The following SOX5 variants were observed in gnomAD, a reference collection of about 807,000 sequenced individuals.
The protein encoded by SOX5 is SRY-box transcription factor 5, also known as transcription factor SOX-5.
In SOX5, 9 loss-of-function variants were observed where a neutral mutation model predicts 92.0. That is an observed-to-expected ratio of 0.10 (90% CI 0.06 to 0.17). The LOEUF (loss-of-function observed/expected upper bound fraction) is 0.17, where lower values mean the gene tolerates loss of function less well. SOX5 is among the 10% of genes least tolerant of loss of function. SOX5 has a pLI of 1.00. For synonymous variants in SOX5, 344 were observed against 336.3 expected (o/e 1.02, Z -0.25); for missense variants, 642 against 944.5 (o/e 0.68, Z 4.20).
intron 14 of SOX5, 27 bp downstream of exon 14, chr12:23,536,426 T>C (rs768719578): frequency 6.1e-5 from 96 of 1,567,114 alleles, no homozygotes; most frequent in Non-Finnish European, 8.2e-5. Context: ...GTTTGCCCCA[T>C]GAGAAAAATG....
chr12:23,538,763 C>A (rs1941196047), intron 13 of SOX5, among the ~76,000 whole-genome samples: 1 of 148,788 alleles, frequency 6.7e-6, no homozygotes, highest in Non-Finnish European at 1.5e-5. Flanking sequence ...TATTAGCTAG[C>A]TTTATCCCAA....
intron 3 of SOX5, among the ~76,000 whole-genome samples, chr12:23,808,537 A>T (rs2095820855): frequency 6.6e-6 from 1 of 152,210 alleles, no homozygotes; most frequent in African/African-American, 2.4e-5. Context: ...TGTAACTTAT[A>T]TCCAATTTAA....
intron 4 of SOX5, among the ~76,000 whole-genome samples, chr12:24,156,698 A>AGATAC (rs1952209031): frequency 6.6e-6 from 1 of 152,186 alleles, no homozygotes; most frequent in Non-Finnish European, 1.5e-5. Flanking sequence ...TTATTTTCTC[A>AGATAC]GATACAACAA....
chr12:23,583,058 AG>A (rs1950260208), intron 9 of SOX5, among the ~76,000 whole-genome samples: 1 of 152,108 alleles, frequency 6.6e-6, no homozygotes, highest in South Asian at 2.1e-4. Flanking sequence ...AATAAAGAAT[AG>A]TTTGGCTTCT....
intron 3 of SOX5, among the ~76,000 whole-genome samples, chr12:24,227,991 G>C (rs1962466650): frequency 1.3e-5 from 2 of 152,312 alleles, no homozygotes; most frequent in Middle Eastern, 3.4e-3. Context: ...AGGCATCCCA[G>C]AGAGATGAGA....
chr12:23,824,061 A>C (rs780225128), intron 3 of SOX5, among the ~76,000 whole-genome samples: 1 of 152,200 alleles, frequency 6.6e-6, no homozygotes, highest in Non-Finnish European at 1.5e-5. Context: ...GGGTTAGAAC[A>C]TGCTCCTTTA....
chr12:23,544,401 A>G lies in SOX5; in HGVS notation c.1598-1017T>C, dbSNP rs533579741. On this transcript the variant is annotated intron_variant, in intron 12 of 14. Coordinates refer to ENST00000451604, the MANE Select transcript of SOX5 (RefSeq NM_006940.6). ...TCACAAAATAAGTAGATGTATTTTG[A>G]TAGTATCCAAAACTTTAAAAATACT... 7.9e-5 allele frequency among the ~76,000 whole-genome samples: 12 copies of G among 152,360 alleles called. No homozygotes were observed. In the East Asian group the frequency reaches 9.6e-4, roughly 12 times the overall value.
At chr12:24,336,697 AT>A (rs1234396302) in intron 2 of SOX5, among the ~76,000 whole-genome samples, 2 of 152,208 alleles carry the variant, frequency 1.3e-5, no homozygotes, top group Non-Finnish European at 2.9e-5. Context: ...TGCTAAAAAA[AT>A]AAAAGAAGAA....
intron 11 of SOX5, among the ~76,000 whole-genome samples, chr12:23,547,528 C>A (rs1943371294): frequency 6.6e-6 from 1 of 151,890 alleles, no homozygotes; most frequent in Non-Finnish European, 1.5e-5. Flanking sequence ...AACTAATGTT[C>A]CCACCAAGAA....
chr12:24,504,018 A>G lies in SOX5; in HGVS notation c.-251+58311T>C, dbSNP rs186900363. On this transcript the variant is annotated intron_variant, in intron 1 of 4. Coordinates refer to the SOX5 transcript ENST00000446891. ...TTGAGTTTCTCAGAGTAGAAATTCGAACTCTCTTCCAATCAAATAAGAAGG... is the reference window on the plus strand; with the variant it reads ...TTGAGTTTCTCAGAGTAGAAATTCGGACTCTCTTCCAATCAAATAAGAAGG... 6.8e-4 allele frequency among the ~76,000 whole-genome samples: 103 copies of G among 152,274 alleles called. 1 individual carries two copies. The highest frequency in any genetic ancestry group is 7.4e-5 in the Non-Finnish European group (5 of 68,008).
chr12:24,441,650 A>G lies in SOX5; in HGVS notation c.-250-73011T>C, dbSNP rs182249980. 1.1e-3 allele frequency among the ~76,000 whole-genome samples: 165 copies of G among 152,282 alleles called. 1 individual carries two copies. Among genetic ancestry groups the G allele is most frequent in the Non-Finnish European group, 9.3e-4 (63 of 68,018 alleles). On this transcript the variant is annotated intron_variant, in intron 1 of 4. Coordinates refer to the SOX5 transcript ENST00000446891. ...GAAAAGAATGTTCAAAGAAAACCAA[A>G]CTCAAAGCATTGTGGGTAGTGATAT... is the stretch of plus-strand genomic sequence containing the variant.
chr12:24,559,443 A>C (rs1206149131), intron 1 of SOX5, among the ~76,000 whole-genome samples: 2 of 152,276 alleles, frequency 1.3e-5, no homozygotes, highest in African/African-American at 4.8e-5. Context: ...AGGAAACATA[A>C]ATTTTGTCCT....
chr12:24,170,236 C>T (rs189684312), intron 4 of SOX5, among the ~76,000 whole-genome samples: 1 of 120,624 alleles, frequency 8.3e-6, no homozygotes, highest in Non-Finnish European at 1.9e-5. Flanking sequence ...AAATAGCAGG[C>T]AGCGCTAGTG....
chr12:23,790,816 C>T (rs930543473), intron 3 of SOX5, among the ~76,000 whole-genome samples: 2 of 151,980 alleles, frequency 1.3e-5, no homozygotes, highest in South Asian at 2.1e-4. Context: ...GACAAAGGGC[C>T]AAGCACAGTA....
At chr12:23,598,430 C>A (rs7312926) in intron 9 of SOX5, among the ~76,000 whole-genome samples, 29 of 137,744 alleles carry the variant, frequency 2.1e-4, no homozygotes, top group Non-Finnish European at 3.7e-4. Flanking sequence ...ATGGAGTCTC[C>A]CTCTGTTGCC....
chr12:24,310,077 A>T (rs551021251), intron 2 of SOX5, among the ~76,000 whole-genome samples: 81 of 152,304 alleles, frequency 5.3e-4, no homozygotes, highest in African/African-American at 1.9e-3. Context: ...TTCCCATCAT[A>T]TCTGCGTGAG....
At chr12:24,186,318 C>T (rs969087927) in intron 4 of SOX5, among the ~76,000 whole-genome samples, 4 of 152,048 alleles carry the variant, frequency 2.6e-5, no homozygotes, top group African/African-American at 4.8e-5. Context: ...AGAACCTACA[C>T]GAATGCTGAG....
intron 1 of SOX5, among the ~76,000 whole-genome samples, chr12:24,449,229 C>CA (rs1472807198): frequency 1.3e-5 from 2 of 151,944 alleles, no homozygotes; most frequent in South Asian, 2.1e-4. Context: ...AGCACACTTA[C>CA]AAAAAAAATT....
chr12:23,632,842 C>A (rs966380548), intron 8 of SOX5, among the ~76,000 whole-genome samples: 1 of 152,084 alleles, frequency 6.6e-6, no homozygotes. Flanking sequence ...AGAATGCATG[C>A]TACTAATATT....
Sources: gnomAD v4.1 joint callset for allele counts (sites outside exome capture counted in the v4.1 genomes callset) on GRCh38, gnomAD v4.1.1 for gene constraint, MANE v1.5 for transcripts, NCBI Gene and HGNC (gene_info 2026-07-23, HGNC 2026-07-21) for gene names.